CNTN4: variants seen among roughly 807,000 people sequenced by gnomAD.
The protein encoded by CNTN4 is contactin 4.
A neutral mutation model predicts 122.5 loss-of-function variants in CNTN4; 77 were observed. That is an observed-to-expected ratio of 0.63 (90% CI 0.52 to 0.76). CNTN4 has a LOEUF of 0.76. Among genes scored for constraint, CNTN4 ranks in the 30% least tolerant of loss-of-function variants. The pLI is 0.00. For missense variants in CNTN4, 1,256 were observed against 1,259.1 expected, an observed-to-expected ratio of 1.00 and a Z score of 0.04; for synonymous variants, 512 against 447.0, an observed-to-expected ratio of 1.15 and a Z score of -1.83.
chr3:2,338,978 G>A (rs565755437), intron 2 of CNTN4, among the ~76,000 whole-genome samples, 200 bp from the exon 3 acceptor site: 103 of 150,852 alleles, frequency 6.8e-4, no homozygotes, highest in Admixed American at 3.0e-3. Flanking sequence ...GAGGCAAGGC[G>A]GAGAATGGAT....
chr3:2,331,346 T>C (rs1373454688), intron 2 of CNTN4, among the ~76,000 whole-genome samples: 2 of 152,146 alleles, frequency 1.3e-5, no homozygotes, highest in African/African-American at 4.8e-5. Context: ...GCCATTCATA[T>C]ACAAGTTGAG....
intron 2 of CNTN4, among the ~76,000 whole-genome samples, chr3:2,253,902 T>A (rs567179702): frequency 1.3e-5 from 2 of 152,234 alleles, no homozygotes; most frequent in South Asian, 4.1e-4. Context: ...TCTTTTTGGT[T>A]ATTATACTTT....
rs2046237911 is a variant in CNTN4 at position 2,385,909 on chromosome 3, GATAA to G, written c.-89+46679_-89+46682del. Among the ~76,000 whole-genome samples the G allele has an allele frequency of 6.6e-6, 1 of 151,932 alleles. No homozygotes were observed. Among genetic ancestry groups the G allele is most frequent in the South Asian group, 2.1e-4 (1 of 4,816 alleles). On this transcript the variant is annotated intron_variant, in intron 3 of 24. Coordinates refer to ENST00000418658, the MANE Select transcript of CNTN4 (RefSeq NM_175607.3). The surrounding 1 kb of genome is among the most constrained non-coding windows in gnomAD (Gnocchi z 4.0). ...CCATAACAATGTTCCATCAATATTTGATAAATGAATGAATACATGCATTCTCACT... is the reference window on the plus strand; with the variant it reads ...CCATAACAATGTTCCATCAATATTTGATGAATGAATACATGCATTCTCACT...
chr3:2,490,596 A>G (rs1365114175), intron 3 of CNTN4, among the ~76,000 whole-genome samples: 2 of 152,210 alleles, frequency 1.3e-5, no homozygotes, highest in African/African-American at 2.4e-5. Flanking sequence ...GAACTCTTTT[A>G]CAGTTTTATA....
At chr3:2,161,037 G>A (rs781105680) in intron 2 of CNTN4, among the ~76,000 whole-genome samples, 4 of 152,142 alleles carry the variant, frequency 2.6e-5, no homozygotes, top group Non-Finnish European at 5.9e-5. Context: ...AGTGCTATGA[G>A]TGAGTAAAAG....
At position 2,627,726 on chromosome 3, in the gene CNTN4, C is replaced by T. The variant is rs575668361; in HGVS notation, c.55+56168C>T. Reference sequence around the variant, plus strand: ...GCCAGGATGGTCTCGATCTCCTGACCTTGTGATCTGCCCGCCTCGGCCTCC... The same window carrying T: ...GCCAGGATGGTCTCGATCTCCTGACTTTGTGATCTGCCCGCCTCGGCCTCC... On this transcript the variant is annotated intron_variant, in intron 4 of 24. Coordinates refer to ENST00000418658, the MANE Select transcript of CNTN4 (RefSeq NM_175607.3). Among the ~76,000 whole-genome samples the T allele has an allele frequency of 4.6e-5, 7 of 152,164 alleles. No homozygotes were observed. In the East Asian group the frequency reaches 7.7e-4, roughly 17 times the overall value.
intron 13 of CNTN4, among the ~76,000 whole-genome samples, chr3:2,961,691 T>A (rs17023687): frequency 0.034 from 4,946 of 145,096 alleles, 144 homozygotes; most frequent in African/African-American, 0.077. Context: ...CAACACTGCT[T>A]AATGGCTAGG....
At chr3:2,822,610 A>T (rs1308208676) in intron 7 of CNTN4, among the ~76,000 whole-genome samples, 4 of 152,226 alleles carry the variant, frequency 2.6e-5, no homozygotes, top group Admixed American at 6.5e-5. Context: ...TTTTCATCAC[A>T]TGGCAGCAAC....
chr3:2,271,061 A>G (rs953592384), intron 2 of CNTN4, among the ~76,000 whole-genome samples: 3 of 152,166 alleles, frequency 2.0e-5, no homozygotes, highest in African/African-American at 7.2e-5. Context: ...TAGCAGGCAG[A>G]ATATAGATGG....
intron 4 of CNTN4, among the ~76,000 whole-genome samples, chr3:2,670,362 C>G: frequency 6.6e-6 from 1 of 152,220 alleles, no homozygotes; most frequent in South Asian, 2.1e-4. Context: ...TTCTTTGTCT[C>G]TTTTGATCTT....
chr3:2,763,225 G>A (rs570720731), intron 6 of CNTN4, among the ~76,000 whole-genome samples: 1 of 152,286 alleles, frequency 6.6e-6, no homozygotes, highest in South Asian at 2.1e-4. Context: ...GATTACAGGC[G>A]TAAGCCACCA....
At chr3:2,827,765 A>G (rs6793237) in intron 7 of CNTN4, among the ~76,000 whole-genome samples, 52,443 of 152,020 alleles carry the variant, frequency 0.34, 9,890 homozygotes, top group African/African-American at 0.5. Flanking sequence ...CGTGTACAGT[A>G]TGTGCCCGGA....
chr3:3,037,115 C>G (rs1317381614), intron 17 of CNTN4, 64 bp from the exon 18 acceptor site: 2 of 1,559,306 alleles, frequency 1.3e-6, no homozygotes, highest in East Asian at 2.2e-5. Context: ...ATCTTCCTAA[C>G]GTAATCTCTG....
chr3:2,932,559 G>A (rs927677082), intron 13 of CNTN4, among the ~76,000 whole-genome samples: 4 of 152,040 alleles, frequency 2.6e-5, no homozygotes, highest in African/African-American at 4.8e-5. Flanking sequence ...TCCTTGGCTC[G>A]TGGTCCCTTC....
intron 2 of CNTN4, among the ~76,000 whole-genome samples, chr3:2,135,338 G>A (rs1270054924): frequency 2.0e-5 from 3 of 152,158 alleles, no homozygotes; most frequent in African/African-American, 7.2e-5. Flanking sequence ...GCAGTGTTAT[G>A]TAAAATACGA....
intron 4 of CNTN4, among the ~76,000 whole-genome samples, chr3:2,592,569 C>T (rs1290285068): frequency 7.9e-5 from 12 of 152,112 alleles, no homozygotes; most frequent in Admixed American, 2.6e-4. Flanking sequence ...GTTTTAAAAA[C>T]GGGAGTTTCT....
intron 3 of CNTN4, among the ~76,000 whole-genome samples, chr3:2,430,322 T>A (rs2048017725): frequency 6.7e-6 from 1 of 149,950 alleles, no homozygotes; most frequent in Admixed American, 6.7e-5. Flanking sequence ...CTTGGGAGGC[T>A]GAGGCAGGAG....
At chr3:2,751,330 T>C (rs918517296) in intron 6 of CNTN4, among the ~76,000 whole-genome samples, 1 of 151,154 alleles carries the variant, frequency 6.6e-6, no homozygotes, top group Non-Finnish European at 1.5e-5. Flanking sequence ...AAAATAAAAA[T>C]AAAAAAAATA....
At chr3:2,895,851 G>T (rs189917671) in intron 10 of CNTN4, among the ~76,000 whole-genome samples, 2 of 152,102 alleles carry the variant, frequency 1.3e-5, no homozygotes, top group African/African-American at 4.8e-5. Context: ...TGGCTAACAG[G>T]GTGAAACCCC....
Sources: gnomAD v4.1 joint callset for allele counts (sites outside exome capture counted in the v4.1 genomes callset) on GRCh38, gnomAD v4.1.1 for gene constraint, Gnocchi (gnomAD v3.1) non-coding constraint, MANE v1.5 for transcripts, NCBI Gene and HGNC (gene_info 2026-07-23, HGNC 2026-07-21) for gene names.